Variants in SCN10A observed in about 807,000 individuals in gnomAD.
The protein encoded by SCN10A is sodium channel protein type 10 subunit alpha.
In SCN10A, 162 loss-of-function variants were observed where a neutral mutation model predicts 170.7. That is an observed-to-expected ratio of 0.95 (90% CI 0.84 to 1.08). The LOEUF (loss-of-function observed/expected upper bound fraction) is 1.08. Among genes scored for constraint, SCN10A ranks in the 50% least tolerant of loss-of-function variants. SCN10A has a pLI of 0.00. For synonymous variants in SCN10A, 985 were observed against 904.6 expected, an observed-to-expected ratio of 1.09 and a Z score of -1.59; for missense variants, 2,527 against 2,436.9, an observed-to-expected ratio of 1.04 and a Z score of -0.78.
At chr3:38,749,899 T>TA (rs2063729296) in intron 13 of SCN10A, among the ~76,000 whole-genome samples, 174 bp downstream of exon 13, 1 of 152,188 alleles carries the variant, frequency 6.6e-6, no homozygotes, top group Non-Finnish European at 1.5e-5. Flanking sequence ...ATTATGCATC[T>TA]AAAAAACCAC....
chr3:38,799,177 A>G (rs527464361), intron 1 of SCN10A, among the ~76,000 whole-genome samples: 1 of 152,246 alleles, frequency 6.6e-6, no homozygotes, highest in African/African-American at 2.4e-5. Flanking sequence ...ATCTCTGAAT[A>G]CTAACCTGAG....
rs868164587 is a variant in SCN10A at position 38,737,755 on chromosome 3, T to C, written c.2280+1760A>G. Reference sequence around the variant, plus strand: ...TTCCCTCCCTCCCTCCCTCTCTCTCTCCCTCCCTCCCTCCCTCTCTCTCTC... The same window carrying C: ...TTCCCTCCCTCCCTCCCTCTCTCTCCCCCTCCCTCCCTCCCTCTCTCTCTC... On this transcript the variant is annotated intron_variant, in intron 15 of 27. Transcript: ENST00000449082. Among the ~76,000 whole-genome samples the C allele has an allele frequency of 0.019, 1,869 of 97,586 alleles. 53 individuals are homozygous for C. The East Asian group carries it at 0.19, about 10-fold the overall frequency. 64.0% of individuals were successfully genotyped at this position (97,586 alleles called of 152,430 possible). A position where few individuals can be genotyped will look rare whatever the true frequency, so the allele number is the denominator to read the frequency against.
intron 5 of SCN10A, among the ~76,000 whole-genome samples, chr3:38,770,820 C>T (rs1166603722): frequency 6.6e-6 from 1 of 152,192 alleles, no homozygotes. Context: ...CCCAAGGGTG[C>T]CTGTGAGACA....
At chr3:38,719,890 G>A (rs1034134014) in intron 20 of SCN10A, among the ~76,000 whole-genome samples, 1 of 152,184 alleles carries the variant, frequency 6.6e-6, no homozygotes, top group African/African-American at 2.4e-5. Flanking sequence ...TGGGAGTGTC[G>A]GCTGCTAATA....
chr3:38,793,653 C>T, intron 2 of SCN10A, 88 bp downstream of exon 2: 1 of 1,407,156 alleles, frequency 7.1e-7, no homozygotes, highest in Non-Finnish European at 9.7e-7. Flanking sequence ...CCACATCACC[C>T]AGGGCCAAGG....
intron 1 of SCN10A, among the ~76,000 whole-genome samples, chr3:38,795,341 C>CTTTTTTTTTTT (rs201748424): frequency 7.8e-6 from 1 of 127,876 alleles, no homozygotes; most frequent in Non-Finnish European, 1.6e-5. Context: ...TTTTCTTTTT[C>CTTTTTTTTTTT]TTTTTCTTTT....
chr3:38,771,230 T>A, intron 5 of SCN10A, 49 bp downstream of exon 5: 1 of 1,600,532 alleles, frequency 6.2e-7, no homozygotes, highest in South Asian at 1.1e-5. Flanking sequence ...ACCCACCATT[T>A]TGTCCCCTCT....
chr3:38,706,875 G>A (rs936120517), intron 26 of SCN10A, among the ~76,000 whole-genome samples: 9 of 152,110 alleles, frequency 5.9e-5, no homozygotes, highest in Admixed American at 2.6e-4. Context: ...ACCTGTAGGC[G>A]TGGGGTAGAA....
rs539991711 is a variant in SCN10A, at chr3:38,809,238, G to C, written c.-33+6799C>G. 2.6e-3 allele frequency among the ~76,000 whole-genome samples: 403 copies of C among 152,280 alleles called. 2 individuals carry two copies. The highest frequency in any genetic ancestry group is 9.4e-3 in the African/African-American group (392 of 41,542). ...CCAAATGTGATTGGTCTGTTTAGTT[G>C]CTTTCTGAATGCAACTTTTGGAGGA... On this transcript the variant is annotated intron_variant, in intron 1 of 27. Coordinates refer to ENST00000449082, the MANE Select transcript of SCN10A (RefSeq NM_006514.4).
intron 8 of SCN10A, among the ~76,000 whole-genome samples, chr3:38,757,722 C>T (rs963955675): frequency 7.9e-5 from 12 of 152,154 alleles, no homozygotes; most frequent in African/African-American, 1.9e-4. Flanking sequence ...CCTAAAACTA[C>T]GCAGGTGTCA....
At chr3:38,772,265 A>T (rs1295565714) in intron 4 of SCN10A, among the ~76,000 whole-genome samples, 1 of 151,298 alleles carries the variant, frequency 6.6e-6, no homozygotes, top group Non-Finnish European at 1.5e-5. Flanking sequence ...CCAGCCAAGG[A>T]GCATCAGGAA....
At chr3:38,731,344 C>G (rs1196901029) in intron 15 of SCN10A, among the ~76,000 whole-genome samples, 1 of 152,120 alleles carries the variant, frequency 6.6e-6, no homozygotes, top group Non-Finnish European at 1.5e-5. Context: ...AAAGGAGGTA[C>G]TTCAGGTAGA....
At chr3:38,735,086 C>T (rs575031922) in intron 15 of SCN10A, among the ~76,000 whole-genome samples, 47 of 147,280 alleles carry the variant, frequency 3.2e-4, no homozygotes, top group Admixed American at 2.2e-3. Context: ...AGGAGAATGG[C>T]GTGAACCCGG....
intron 5 of SCN10A, among the ~76,000 whole-genome samples, chr3:38,767,979 T>C (rs1385770197): frequency 6.6e-6 from 1 of 152,106 alleles, no homozygotes. Flanking sequence ...AATTATTTTA[T>C]CATTATATAT....
intron 6 of SCN10A, among the ~76,000 whole-genome samples, chr3:38,762,740 A>G (rs2063889192): frequency 6.6e-6 from 1 of 152,136 alleles, no homozygotes; most frequent in Non-Finnish European, 1.5e-5. Flanking sequence ...AGAGTTTCCT[A>G]TCTTTCCCTG....
intron 1 of SCN10A, among the ~76,000 whole-genome samples, chr3:38,802,254 T>C (rs2064376126): frequency 6.6e-6 from 1 of 152,138 alleles, no homozygotes; most frequent in African/African-American, 2.4e-5. Flanking sequence ...CCCTTACTTT[T>C]CAGAGGAGAA....
At chr3:38,731,569 T>C (rs2126005593) in intron 15 of SCN10A, among the ~76,000 whole-genome samples, 1 of 152,264 alleles carries the variant, frequency 6.6e-6, no homozygotes, top group East Asian at 1.9e-4. Flanking sequence ...AGCAGATAGG[T>C]AAAGAAACAA....
intron 7 of SCN10A, 29 bp from the exon 8 acceptor site, chr3:38,760,776 C>A: frequency 6.3e-7 from 1 of 1,586,628 alleles, no homozygotes; most frequent in Non-Finnish European, 8.7e-7. Flanking sequence ...GAAAGCCTCA[C>A]AGATGGTTCT....
chr3:38,730,920 G>T (rs1215404886), intron 15 of SCN10A, among the ~76,000 whole-genome samples: 1 of 152,128 alleles, frequency 6.6e-6, no homozygotes, highest in Non-Finnish European at 1.5e-5. Flanking sequence ...TCCAGAAGGA[G>T]AAAAAATAGA....
Sources: allele counts gnomAD v4.1 joint callset (sites outside exome capture counted in the v4.1 genomes callset), GRCh38; gene constraint gnomAD v4.1.1; transcripts MANE v1.5; gene names NCBI Gene and HGNC (gene_info 2026-07-23, HGNC 2026-07-21).